CYREN: variants seen among roughly 807,000 people sequenced by gnomAD.
CYREN encodes cell cycle regulator of non-homologous end joining.
CYREN carries 7 observed loss-of-function variants against 9.7 expected under a neutral mutation model. The ratio of observed to expected loss-of-function variants is 0.72; its 90% CI spans 0.41 to 1.36. The LOEUF (loss-of-function observed/expected upper bound fraction) is 1.36. CYREN is among the 40% of genes most tolerant of loss of function. The pLI is 0.01. For missense variants in CYREN, 215 were observed against 198.1 expected (o/e 1.09, Z -0.51); for synonymous variants, 76 against 77.9 (o/e 0.98, Z 0.13).
exon 3 of CYREN, chr7:135,093,592 C>T (rs1245294044): frequency 6.6e-6 from 1 of 152,060 alleles, no homozygotes; most frequent in Non-Finnish European, 1.5e-5. Flanking sequence ...ACAAAAAACA[C>T]AGTTGAACTG....
upstream of CYREN, among the ~76,000 whole-genome samples, chr7:135,171,888 G>T (rs565836465): frequency 6.6e-6 from 1 of 152,236 alleles, no homozygotes; most frequent in East Asian, 1.9e-4. Context: ...CCAGAGCAGC[G>T]CATAGCAGGC....
intron 2 of CYREN, among the ~76,000 whole-genome samples, chr7:135,098,762 G>A (rs1350637991): frequency 6.6e-6 from 1 of 152,012 alleles, no homozygotes; most frequent in Non-Finnish European, 1.5e-5. Context: ...AAAAGAAACA[G>A]GAAGAGCAAA....
intron 2 of CYREN, among the ~76,000 whole-genome samples, chr7:135,123,204 G>T (rs1827387315): frequency 6.6e-6 from 1 of 152,182 alleles, no homozygotes. Context: ...GAACATAAAT[G>T]ACCTGGTGGA....
At chr7:135,094,945 T>C (rs1223018324) in intron 2 of CYREN, among the ~76,000 whole-genome samples, 1 of 152,224 alleles carries the variant, frequency 6.6e-6, no homozygotes, top group African/African-American at 2.4e-5. Context: ...AGTTTCCTTG[T>C]ATTGTTGAGA....
intron 2 of CYREN, among the ~76,000 whole-genome samples, chr7:135,127,550 TAA>T (rs34308951): frequency 0.44 from 64,970 of 146,450 alleles, 14,692 homozygotes; most frequent in East Asian, 0.77. Flanking sequence ...AGTCTCCGTC[TAA>T]AAAAAAAAAA....
At chr7:135,104,104 T>C (rs1182561848) in intron 2 of CYREN, among the ~76,000 whole-genome samples, 1 of 152,112 alleles carries the variant, frequency 6.6e-6, no homozygotes, top group Non-Finnish European at 1.5e-5. Flanking sequence ...TGTCTGTTGT[T>C]CCCCTCTTTG....
downstream of CYREN, among the ~76,000 whole-genome samples, chr7:135,161,602 C>T (rs538930993): frequency 2.0e-5 from 3 of 152,220 alleles, no homozygotes; most frequent in East Asian, 1.9e-4. The surrounding 1 kb of genome is among the most constrained non-coding windows in gnomAD (Gnocchi z 4.1). Flanking sequence ...ATGTTCCCGT[C>T]GGCAATTTTT....
chr7:135,169,085 G>A, intron 1 of CYREN, 25 bp from the exon 2 acceptor site: 2 of 691,622 alleles, frequency 2.9e-6, no homozygotes, highest in South Asian at 4.0e-5. Flanking sequence ...AAAGTCCGGT[G>A]AATTCCCATA....
chr7:135,136,766 T>G (rs1333431188), intron 2 of CYREN, among the ~76,000 whole-genome samples: 1 of 152,054 alleles, frequency 6.6e-6, no homozygotes, highest in East Asian at 1.9e-4. Context: ...CCTAAGAGTT[T>G]GAAATTGTAA....
intron 2 of CYREN, among the ~76,000 whole-genome samples, chr7:135,116,885 T>C (rs1826395464): frequency 6.6e-6 from 1 of 152,184 alleles, no homozygotes; most frequent in African/African-American, 2.4e-5. Context: ...TGAGAGCTTT[T>C]TGTGCATGTG....
At chr7:135,153,730 G>C (rs371003249) in intron 2 of CYREN, among the ~76,000 whole-genome samples, 1 of 152,228 alleles carries the variant, frequency 6.6e-6, no homozygotes, top group East Asian at 1.9e-4. Flanking sequence ...ATGTGCCATT[G>C]GATTTGATTT....
intron 2 of CYREN, among the ~76,000 whole-genome samples, chr7:135,124,484 C>G (rs1367377688): frequency 6.6e-6 from 1 of 152,158 alleles, no homozygotes; most frequent in Non-Finnish European, 1.5e-5. Context: ...TTAGACAGAT[C>G]AACAAGACAG....
chr7:135,138,729 T>A (rs1366552685), intron 2 of CYREN, among the ~76,000 whole-genome samples: 1 of 151,940 alleles, frequency 6.6e-6, no homozygotes, highest in Non-Finnish European at 1.5e-5. Context: ...AGATTTTCGA[T>A]CCTCACCCTC....
Position 135,170,697 on chromosome 7 carries a change from G to T in CYREN, c.-184C>A, listed in dbSNP as rs1377393795. ...GTCTCGCCTGGCGCCCAAACTCTGC[G>T]GACCTCCACTGGCCGCCCGCCTCTT... is the stretch of plus-strand genomic sequence containing the variant. On this transcript the variant is annotated 5_prime_UTR_variant, in exon 1 of 4. Coordinates refer to ENST00000393114, the MANE Select transcript of CYREN (RefSeq NM_024033.4). 1 of 152,384 alleles carries T rather than the reference G, an allele frequency of 6.6e-6. No individual in the cohort carries two copies. The highest frequency in any genetic ancestry group is 1.9e-4 in the East Asian group (1 of 5,184). The allele number at this position is 152,384 out of a possible 1,614,324, so 9.4% of individuals were successfully genotyped here.
intron 2 of CYREN, among the ~76,000 whole-genome samples, chr7:135,122,970 G>A (rs1364958264): frequency 1.3e-5 from 2 of 152,110 alleles, no homozygotes; most frequent in Non-Finnish European, 1.5e-5. Context: ...AAACCCAAAA[G>A]GCCAGAGTGC....
downstream of CYREN, chr7:135,164,920 TACTC>T (rs1562928295): frequency 1.2e-6 from 2 of 1,614,158 alleles, no homozygotes; most frequent in South Asian, 2.2e-5. Context: ...GCCCAGGCCT[TACTC>T]ATCCTCTTGC....
At position 135,168,883 on chromosome 7, in the gene CYREN, G is replaced by A; in HGVS notation, c.40C>T (p.Pro14Ser). 6.2e-7 allele frequency: 1 copy of A among 1,613,372 alleles called. No homozygotes were observed. Among genetic ancestry groups the A allele is most frequent in the South Asian group, 1.1e-5 (1 of 91,012 alleles). ...LQSETKTRVL[P>S]SWLTAQVATK... is the part of the protein sequence containing the mutation. ...GCCACCTGGGCTGTCAGCCATGAGG[G>A]AAGGACCCTCGTTTTAGTCTCGGAT... Residue 14 changes from proline to serine, a missense_variant, in exon 2 of 4, where the codon CCC (proline) becomes TCC (serine). Physicochemically the swap from Pro to Ser is moderately conservative, Grantham distance 74. Transcript: ENST00000393114.
chr7:135,096,584 C>CATACATAG (rs1822811727), intron 2 of CYREN, among the ~76,000 whole-genome samples: 3 of 88,860 alleles, frequency 3.4e-5, no homozygotes, highest in East Asian at 5.6e-4. Flanking sequence ...TAGATAGATA[C>CATACATAG]ATAGATAGAT....
intron 2 of CYREN, among the ~76,000 whole-genome samples, chr7:135,132,211 A>G (rs1828869154): frequency 6.6e-6 from 1 of 152,198 alleles, no homozygotes; most frequent in Non-Finnish European, 1.5e-5. Context: ...AAAACAAAAA[A>G]GGAAATGACA....
Sources: gnomAD v4.1 joint callset for allele counts (sites outside exome capture counted in the v4.1 genomes callset) on GRCh38, gnomAD v4.1.1 for gene constraint, Gnocchi (gnomAD v3.1) non-coding constraint, MANE v1.5 for transcripts, NCBI Gene and HGNC (gene_info 2026-07-23, HGNC 2026-07-21) for gene names.